The following ENTPD2 variants were observed in gnomAD, a reference collection of about 807,000 sequenced individuals.
ENTPD2 encodes the protein ectonucleoside triphosphate diphosphohydrolase 2.
In ENTPD2, 48 loss-of-function variants were observed where a neutral mutation model predicts 46.8. That is an observed-to-expected ratio of 1.03 (90% confidence interval 0.81 to 1.30). The LOEUF (loss-of-function observed/expected upper bound fraction) is 1.30, where lower values mean the gene tolerates loss of function less well. ENTPD2 is among the 50% of genes most tolerant of loss of function. The pLI is 0.00. For synonymous variants in ENTPD2, 316 were observed against 286.1 expected (o/e 1.10, Z -1.06); for missense variants, 707 against 651.1 (o/e 1.09, Z -0.93).
Position 137,048,343 on chromosome 9 carries a change from G to T in ENTPD2, c.*314C>A. On this transcript the variant is annotated 3_prime_UTR_variant, in exon 9 of 9. Coordinates refer to ENST00000355097, the MANE Select transcript of ENTPD2 (RefSeq NM_203468.3). ...CGGGCTGGAGGGGTTCAAGGAGCTGGATTGAGCGCTCTTTGCCCACCCAGG... is the reference window on the plus strand; with the variant it reads ...CGGGCTGGAGGGGTTCAAGGAGCTGTATTGAGCGCTCTTTGCCCACCCAGG... The T allele has an allele frequency of 3.0e-6, 1 of 329,116 alleles. No individual in the cohort carries two copies. Among genetic ancestry groups the T allele is most frequent in the South Asian group, 3.9e-5 (1 of 25,744 alleles). 20.4% of individuals were successfully genotyped at this position (329,116 alleles called of 1,614,324 possible).
rs1442979382 is a variant in ENTPD2 at position 137,050,966 on chromosome 9, G to T, written c.710C>A (p.Thr237Asn). ...HLYGQHYRVYTHSFLCYGRDQ... is the reference protein window; with the variant it reads ...HLYGQHYRVYNHSFLCYGRDQ... ...ACGGCCATAGCAGAGGAAGCTGTGG[G>T]TGTAGACTCGGTAGTGCTGGCCGTA... The change falls in exon 5 of 9, where the codon ACC becomes AAC. Residue 237 changes from threonine to asparagine, a missense_variant. Transcript: ENST00000355097. The T allele has an allele frequency of 2.2e-5, 35 of 1,612,776 alleles. No homozygotes were observed. The highest frequency in any genetic ancestry group is 3.0e-5 in the Non-Finnish European group (35 of 1,180,012).
chr9:137,049,065 C>T lies in ENTPD2; in HGVS notation c.1160G>A (p.Arg387Gln), dbSNP rs751597294. Residue 387 changes from arginine to glutamine, a missense_variant, in exon 8 of 9, where the codon CGG (arginine) becomes CAG (glutamine). Arg to Gln is a conservative substitution (Grantham distance 43). Coordinates refer to ENST00000355097, the MANE Select transcript of ENTPD2 (RefSeq NM_203468.3). Reference protein sequence around the residue: ...CNQTWAQLQARVPGQRARLAD... With the variant: ...CNQTWAQLQAQVPGQRARLAD... ...CAGGCGGGCCCGTTGCCCTGGCACC[C>T]GAGCTTGCAGCTGGGACGCGGGCGG... The T allele has an allele frequency of 1.3e-6, 2 of 1,533,022 alleles. No homozygotes were observed. The highest frequency in any genetic ancestry group is 2.5e-5 in the East Asian group (1 of 40,716). 95.0% of individuals were successfully genotyped at this position (1,533,022 alleles called of 1,614,324 possible).
At chr9:137,052,426 C>T (rs1161146105) in intron 1 of ENTPD2, 78 bp from the exon 2 acceptor site, 2 of 1,244,496 alleles carry the variant, frequency 1.6e-6, no homozygotes, top group Non-Finnish European at 2.2e-6. Flanking sequence ...AAGTTGGGTT[C>T]CTCCAGTTTG....
chr9:137,050,495 T>G lies in ENTPD2; in HGVS notation c.818A>C (p.Gln273Pro). The change falls in exon 6 of 9, where the codon CAA becomes CCA. Residue 273 changes from glutamine to proline, a missense_variant. Coordinates refer to ENST00000355097, the MANE Select transcript of ENTPD2 (RefSeq NM_203468.3). ...CTGGTACACATCCCCGAGCAGCACTTGGGTGGAAAAGCCCCTCGGCCAGCA... is the reference window on the plus strand; with the variant it reads ...CTGGTACACATCCCCGAGCAGCACTGGGGTGGAAAAGCCCCTCGGCCAGCA... Reference protein sequence around the residue: ...HPCWPRGFSTQVLLGDVYQSP... With the variant: ...HPCWPRGFSTPVLLGDVYQSP... 4 of 1,612,750 alleles carry G rather than the reference T, an allele frequency of 2.5e-6. No homozygotes were observed. The highest frequency in any genetic ancestry group is 3.4e-6 in the Non-Finnish European group (4 of 1,179,956).
Position 137,048,858 on chromosome 9 carries a change from G to T in ENTPD2, c.1287C>A (p.Ala429=), listed in dbSNP as rs768417706. 6.5e-7 allele frequency: 1 copy of T among 1,533,670 alleles called. No individual in the cohort carries two copies. Among genetic ancestry groups the T allele is most frequent in the South Asian group, 1.3e-5 (1 of 79,110 alleles). Residue 429 remains alanine (A), a splice_region_variant and synonymous_variant, in exon 9 of 9, where the codon GCC becomes GCA. Transcript: ENST00000355097. ...GCGCCCAGCCCACTGCAGTGTCCGC[G>T]GCCTGCGGGGAAGGGCGTGGCCTCA... The part of the protein sequence containing the change: ...AFGGVIFQKK[A]ADTAVGWALG...
At chr9:137,049,389 A>G (rs1486777464) in intron 7 of ENTPD2, 2 of 609,342 alleles carry the variant, frequency 3.3e-6, no homozygotes, top group Non-Finnish European at 5.9e-6. Flanking sequence ...GACGAGCTCC[A>G]GGCCTGAGTC....
At position 137,051,049 on chromosome 9, in the gene ENTPD2, G is replaced by A. The variant is rs773456383; in HGVS notation, c.627C>T (p.Ile209=). ...CAGCTGGACTGGTTGTCTCAAAAGT[G>A]ATCTGGGTAGAGGCACCCCCCAGGT... The part of the protein sequence containing the change: ...AMDLGGASTQ[I]TFETTSPAED... The change falls in exon 5 of 9, where the codon ATC becomes ATT. Residue 209 remains isoleucine, a synonymous_variant. Coordinates refer to ENST00000355097, the MANE Select transcript of ENTPD2 (RefSeq NM_203468.3). 6.2e-7 allele frequency: 1 copy of A among 1,612,958 alleles called. No individual in the cohort carries two copies. Among genetic ancestry groups the A allele is most frequent in the South Asian group, 1.1e-5 (1 of 91,084 alleles).
chr9:137,049,913 A>G lies in ENTPD2; in HGVS notation c.1106T>C (p.Leu369Pro), dbSNP rs1201014146. 1.6e-5 allele frequency: 26 copies of G among 1,612,336 alleles called. No homozygotes were observed. Among genetic ancestry groups the G allele is most frequent in the Non-Finnish European group, 1.9e-5 (22 of 1,179,770 alleles). Residue 369 changes from leucine (L) to proline (P), a missense_variant, in exon 7 of 9, where the codon CTG becomes CCG. Transcript: ENST00000355097. ...GCAGACATTCACTGCGGCTGCCTCC[A>G]GCTGCTGCAGGGTGGCCACGGGCAG... ...MGLPVATLQQ[L>P]EAAAVNVCNQ... is the part of the protein sequence containing the mutation.
chr9:137,052,395 G>T, intron 1 of ENTPD2, 47 bp from the exon 2 acceptor site: 1 of 1,373,668 alleles, frequency 7.3e-7, no homozygotes, highest in South Asian at 1.2e-5. Flanking sequence ...CGGGGGCCCT[G>T]ACACCCTGAC....
intron 7 of ENTPD2, 88 bp from the exon 8 acceptor site, chr9:137,049,163 C>A: frequency 6.5e-7 from 1 of 1,529,844 alleles, no homozygotes; most frequent in South Asian, 1.2e-5. Context: ...GTGCTTCACC[C>A]CTCCCCAGAC....
intron 5 of ENTPD2, 80 bp from the exon 6 acceptor site, chr9:137,050,618 C>T (rs1396172124): frequency 1.3e-6 from 2 of 1,532,222 alleles, no homozygotes. Flanking sequence ...ACAGGTCTCA[C>T]TCTGGCAACT....
chr9:137,052,593 C>T (rs554759395), intron 1 of ENTPD2: 1 of 393,650 alleles, frequency 2.5e-6, no homozygotes, highest in Non-Finnish European at 4.7e-6. Flanking sequence ...ATGCCAGGGT[C>T]TGGGCAGCAG....
Position 137,048,866 on chromosome 9 carries a change from G to A in ENTPD2, c.1285-6C>T. Reference sequence around the variant, plus strand: ...CCCACTGCAGTGTCCGCGGCCTGCGGGGAAGGGCGTGGCCTCAGCTCCCGA... The same window carrying A: ...CCCACTGCAGTGTCCGCGGCCTGCGAGGAAGGGCGTGGCCTCAGCTCCCGA... On this transcript the variant is annotated splice_region_variant and splice_polypyrimidine_tract_variant and intron_variant, in intron 8 of 8. Coordinates refer to ENST00000355097, the MANE Select transcript of ENTPD2 (RefSeq NM_203468.3). The A allele has an allele frequency of 1.3e-6, 2 of 1,526,792 alleles. No individual in the cohort carries two copies. The highest frequency in any genetic ancestry group is 1.8e-6 in the Non-Finnish European group (2 of 1,139,466). 94.6% of individuals were successfully genotyped at this position (1,526,792 alleles called of 1,614,324 possible).
intron 7 of ENTPD2, chr9:137,049,547 C>T (rs1484998130): frequency 9.2e-6 from 4 of 435,922 alleles, no homozygotes; most frequent in Middle Eastern, 6.4e-4. Flanking sequence ...GGCACACTCC[C>T]GGTGCCCAGA....
Position 137,049,908 on chromosome 9 carries a change from C to T in ENTPD2, c.1111G>A (p.Ala371Thr), listed in dbSNP as rs1185963512. The part of the protein sequence containing the change: ...LPVATLQQLE[A>T]AAVNVCNQTW... The stretch of plus-strand genomic sequence containing the variant: ...TGGTTGCAGACATTCACTGCGGCTG[C>T]CTCCAGCTGCTGCAGGGTGGCCACG... The change falls in exon 7 of 9, where the codon GCA becomes ACA. Residue 371 changes from alanine to threonine, a missense_variant. Physicochemically the swap from Ala to Thr is moderately conservative, Grantham distance 58. Transcript: ENST00000355097. 1.2e-6 allele frequency: 2 copies of T among 1,612,392 alleles called. No individual in the cohort carries two copies. The highest frequency in any genetic ancestry group is 1.7e-6 in the Non-Finnish European group (2 of 1,179,778).
rs768878814 is a variant in ENTPD2, at chr9:137,052,280, C to T, written c.186G>A (p.Lys62=). The T allele has an allele frequency of 4.3e-6, 7 of 1,611,360 alleles. No individual in the cohort carries two copies. The Admixed American group carries it at 8.3e-5, about 19-fold the overall frequency. ...SMFIYKWPAD[K]ENDTGIVGQH... ...GGCCCACAATGCCTGTGTCGTTCTCCTTGTCTGCCGGCCACTTGTAGATAA... is the reference window on the plus strand; with the variant it reads ...GGCCCACAATGCCTGTGTCGTTCTCTTTGTCTGCCGGCCACTTGTAGATAA... Residue 62 remains lysine (K), a synonymous_variant, in exon 2 of 9, where the codon AAG becomes AAA. Coordinates refer to ENST00000355097, the MANE Select transcript of ENTPD2 (RefSeq NM_203468.3).
At chr9:137,050,104 G>A (rs1832235737) in intron 6 of ENTPD2, 115 bp from the exon 7 acceptor site, 1 of 1,431,962 alleles carries the variant, frequency 7.0e-7, no homozygotes, top group Non-Finnish European at 9.3e-7. Context: ...CCTTACCCAC[G>A]ACAAAGTTCC....
At chr9:137,050,798 C>A in intron 5 of ENTPD2, 104 bp downstream of exon 5, 1 of 1,417,760 alleles carries the variant, frequency 7.1e-7, no homozygotes, top group Non-Finnish European at 9.6e-7. Flanking sequence ...TCTTTCCAGC[C>A]AATTAAAGCC....
In ENTPD2 at chr9:137,051,515, C is replaced by G; in HGVS notation, c.381G>C (p.Leu127=). 6.3e-7 allele frequency: 1 copy of G among 1,594,930 alleles called. No homozygotes were observed. The highest frequency in any genetic ancestry group is 1.7e-5 in the Admixed American group (1 of 57,972). ...CAGGGCACAGGCACACTCACTTGAG[C>G]AGGCGCATACCCGCTGTGGCTCCCA... ...LYLGATAGMR[L]LNLTNPEAST... Residue 127 remains leucine, a synonymous_variant, in exon 3 of 9, where the codon CTG becomes CTC. Transcript: ENST00000355097.
Sources: gnomAD v4.1 joint callset for allele counts on GRCh38, gnomAD v4.1.1 for gene constraint, MANE v1.5 for transcripts, NCBI Gene and HGNC (gene_info 2026-07-23, HGNC 2026-07-21) for gene names.